KIF19: variants seen among roughly 807,000 people sequenced by gnomAD.
The protein encoded by KIF19 is kinesin family member 19, also known as kinesin-like protein KIF19.
KIF19 carries 98 observed loss-of-function variants against 106.6 expected under a neutral mutation model. The ratio of observed to expected loss-of-function variants is 0.92; its 90% CI spans 0.78 to 1.09. The LOEUF (loss-of-function observed/expected upper bound fraction) is 1.09. Ranked by LOEUF, KIF19 falls within the 50% of genes least tolerant of loss-of-function variation. The pLI, the probability that KIF19 is intolerant of heterozygous loss-of-function variation, is 0.00. For missense variants in KIF19, 1,373 were observed against 1,414.3 expected (o/e 0.97, Z 0.47); for synonymous variants, 516 against 584.2 (o/e 0.88, Z 1.68).
chr17:74,353,173 T>G, intron 15 of KIF19, 23 bp from the exon 16 acceptor site: 1 of 1,555,870 alleles, frequency 6.4e-7, no homozygotes, highest in African/African-American at 1.4e-5. Context: ...CTACAGCCAC[T>G]CATCTTCCTC....
chr17:74,331,371 G>A lies in KIF19; in HGVS notation c.120+2866G>A, dbSNP rs1037871911. 8.1e-6 allele frequency among the ~76,000 whole-genome samples: 1 copy of A among 123,132 alleles called. No homozygotes were observed. The highest frequency in any genetic ancestry group is 2.8e-5 in the African/African-American group (1 of 35,448). The allele number at this position is 123,132 out of a possible 152,430, so 80.8% of individuals were successfully genotyped here. A position where few individuals can be genotyped will look rare whatever the true frequency, so the allele number is the denominator to read the frequency against. On this transcript the variant is annotated intron_variant, in intron 2 of 19. Transcript: ENST00000389916. This position sits in a 1 kb window ranked among gnomAD's most constrained non-coding sequence, Gnocchi z 4.1. ...TCCTGAGTGGGGAGAGGTGGACCGG[G>A]GACACAGTAACCCGCTGGGCTGGGC...
chr17:74,335,192 G>T (rs1567900318), intron 2 of KIF19, among the ~76,000 whole-genome samples: 1 of 152,156 alleles, frequency 6.6e-6, no homozygotes, highest in Admixed American at 6.5e-5. Flanking sequence ...GGAAGGGTGC[G>T]ACTGGCATCT....
At chr17:74,332,340 G>A (rs1023570085) in intron 2 of KIF19, among the ~76,000 whole-genome samples, 1 of 151,834 alleles carries the variant, frequency 6.6e-6, no homozygotes, top group African/African-American at 2.4e-5. Context: ...AGTACCAGGT[G>A]GGCCTGGTTT....
intron 2 of KIF19, among the ~76,000 whole-genome samples, chr17:74,340,248 C>G (rs1359639213): frequency 2.0e-5 from 3 of 152,194 alleles, no homozygotes; most frequent in African/African-American, 4.8e-5. Context: ...CCTCCAAACT[C>G]AAGCCCTCCC....
At chr17:74,329,155 C>G (rs1040499340) in intron 2 of KIF19, 1 of 152,138 alleles carries the variant, frequency 6.6e-6, no homozygotes. Context: ...GGGATAAGAC[C>G]TAAACCTGGA....
At chr17:74,344,441 C>T (rs1177864426) in intron 6 of KIF19, 93 bp downstream of exon 6, 12 of 1,525,826 alleles carry the variant, frequency 7.9e-6, no homozygotes, top group Non-Finnish European at 1.1e-5. Flanking sequence ...GAGCTGCTCC[C>T]CACTCGGCTG....
chr17:74,352,152 C>T lies in KIF19; in HGVS notation c.1858+15C>T. ...GATCATCGACGGTAGGGCCCACGCC[C>T]CCGCGCATCTGAGCCACCCGCGGGG... On this transcript the variant is annotated intron_variant, in intron 13 of 19. Coordinates refer to ENST00000389916, the MANE Select transcript of KIF19 (RefSeq NM_153209.4). 3.2e-6 allele frequency: 5 copies of T among 1,584,510 alleles called. No homozygotes were observed. Among genetic ancestry groups the T allele is most frequent in the Non-Finnish European group, 4.3e-6 (5 of 1,162,784 alleles).
chr17:74,326,344 G>T lies in KIF19; in HGVS notation c.-6G>T. On this transcript the variant is annotated 5_prime_UTR_variant, in exon 1 of 20. Transcript: ENST00000389916. ...CGCGGCCTGAGCCCCTCCACCTGCT[G>T]CAATCATGAAGGACAGCGGGGACTC... 1 of 1,611,262 alleles carries T rather than the reference G, an allele frequency of 6.2e-7. No individual in the cohort carries two copies. The highest frequency in any genetic ancestry group is 8.5e-7 in the Non-Finnish European group (1 of 1,179,062).
At chr17:74,344,676 C>G (rs992834947) in intron 6 of KIF19, 85 bp from the exon 7 acceptor site, 1 of 1,399,666 alleles carries the variant, frequency 7.1e-7, no homozygotes, top group African/African-American at 1.4e-5. Context: ...ACATAGGACC[C>G]TCCCTGCTAG....
At chr17:74,342,408 C>T (rs1003714624) in intron 3 of KIF19, among the ~76,000 whole-genome samples, 24 of 152,156 alleles carry the variant, frequency 1.6e-4, no homozygotes, top group African/African-American at 4.8e-4. Flanking sequence ...GAGCCAGCTG[C>T]GCAGGAAGGC....
rs1298502255 is a variant in KIF19 at position 74,351,968 on chromosome 17, C to A, written c.1689C>A (p.Leu563=). The change falls in exon 13 of 20, where the codon CTC becomes CTA. Residue 563 remains leucine, a synonymous_variant. Coordinates refer to ENST00000389916, the MANE Select transcript of KIF19 (RefSeq NM_153209.4). Reference sequence around the variant, plus strand: ...GCTCCGAGGAGCAGCGCGAGGTGCTCAGCCTGCTGTGCCGCGTGCACGAGC... The same window carrying A: ...GCTCCGAGGAGCAGCGCGAGGTGCTAAGCCTGCTGTGCCGCGTGCACGAGC... The part of the protein sequence containing the change: ...RIGSEEQREV[L]SLLCRVHELE... 5.2e-6 allele frequency: 8 copies of A among 1,524,038 alleles called. No individual in the cohort carries two copies. The highest frequency in any genetic ancestry group is 7.0e-6 in the Non-Finnish European group (8 of 1,143,488). 94.4% of individuals were successfully genotyped at this position (1,524,038 alleles called of 1,614,324 possible).
intron 14 of KIF19, 81 bp downstream of exon 14, chr17:74,352,421 GCTGGAGGGGA>G (rs1030286639): frequency 1.1e-4 from 165 of 1,492,018 alleles, no homozygotes; most frequent in Non-Finnish European, 1.4e-4. Context: ...CCTTCAGGCA[GCTGGAGGGGA>G]CAGGACCAGG....
Position 74,352,103 on chromosome 17 carries a change from C to G in KIF19, c.1824C>G (p.Asp608Glu). Residue 608 changes from aspartate (D) to glutamate (E), a missense_variant, in exon 13 of 20, where the codon GAC (aspartate) becomes GAG (glutamate). By Grantham distance (45) the Asp-to-Glu change is conservative. Around this residue, in one of 3 missense-constraint regions of KIF19, gnomAD observed 1,020 missense variants for 1,008.2 expected, o/e 1.01. Transcript: ENST00000389916. ...RRLEQHRSLC[D>E]EIIQGQRQII... ...TGGAGCAGCACCGCAGTCTCTGCGA[C>G]GAGATTATCCAGGGCCAGCGGCAGA... The G allele has an allele frequency of 1.3e-6, 2 of 1,586,280 alleles. No individual in the cohort carries two copies. Among genetic ancestry groups the G allele is most frequent in the Non-Finnish European group, 1.7e-6 (2 of 1,164,216 alleles).
rs754123097 is a variant in KIF19 at position 74,331,663 on chromosome 17, G to A, written c.120+3158G>A. On this transcript the variant is annotated intron_variant, in intron 2 of 19. Transcript: ENST00000389916. The surrounding 1 kb of genome is among the most constrained non-coding windows in gnomAD (Gnocchi z 4.1). ...GCAATCTTGGCTCACTGCAACCTCC[G>A]CCTCCTGGATTCAAGCGATTCTCCT... Among the ~76,000 whole-genome samples the A allele has an allele frequency of 5.3e-5, 8 of 151,404 alleles. No homozygotes were observed. The highest frequency in any genetic ancestry group is 1.0e-4 in the Non-Finnish European group (7 of 67,930).
In KIF19 at chr17:74,354,431, C is replaced by T. The variant is rs1567925762; in HGVS notation, c.2578C>T (p.His860Tyr). 1 of 1,611,288 alleles carries T rather than the reference C, an allele frequency of 6.2e-7. No homozygotes were observed. The highest frequency in any genetic ancestry group is 8.5e-7 in the Non-Finnish European group (1 of 1,179,298). The change falls in exon 18 of 20, where the codon CAT becomes TAT. Residue 860 changes from histidine to tyrosine, a missense_variant. Coordinates refer to ENST00000389916, the MANE Select transcript of KIF19 (RefSeq NM_153209.4). ...TGEAPSRAVGHHGDGPRPWLR... is the reference protein window; with the variant it reads ...TGEAPSRAVGYHGDGPRPWLR... ...CGAGGCCCCGTCCCGGGCAGTCGGA[C>T]ATCATGGGGACGGCCCCAGGCCCTG...
rs1000177975 is a variant in KIF19 at position 74,331,445 on chromosome 17, C to T, written c.120+2940C>T. On this transcript the variant is annotated intron_variant, in intron 2 of 19. Coordinates refer to ENST00000389916, the MANE Select transcript of KIF19 (RefSeq NM_153209.4). This position sits in a 1 kb window ranked among gnomAD's most constrained non-coding sequence, Gnocchi z 4.1. The stretch of plus-strand genomic sequence containing the variant: ...CTTTCTTTAGTCTAGGCATTGTTCT[C>T]CTGGGGACACTTCAAATGAAGGAGA... 2.6e-5 allele frequency among the ~76,000 whole-genome samples: 4 copies of T among 152,098 alleles called. No homozygotes were observed. Among genetic ancestry groups the T allele is most frequent in the Non-Finnish European group, 5.9e-5 (4 of 68,026 alleles).
chr17:74,328,136 G>T (rs1317914130), intron 1 of KIF19, among the ~76,000 whole-genome samples: 1 of 152,198 alleles, frequency 6.6e-6, no homozygotes, highest in Non-Finnish European at 1.5e-5. Flanking sequence ...AAGCCCAGGG[G>T]AGCTGCGAGT....
chr17:74,355,212 C>T lies in KIF19; in HGVS notation c.2897C>T (p.Pro966Leu), dbSNP rs751441843. The T allele has an allele frequency of 6.8e-6, 11 of 1,611,118 alleles. No individual in the cohort carries two copies. Among genetic ancestry groups the T allele is most frequent in the South Asian group, 4.4e-5 (4 of 90,820 alleles). The change falls in exon 20 of 20, where the codon CCC becomes CTC. Residue 966 changes from proline to leucine, a missense_variant. Physicochemically the swap from Pro to Leu is moderately conservative, Grantham distance 98 (BLOSUM62 -3). Around this residue, in one of 3 missense-constraint regions of KIF19, gnomAD observed 1,020 missense variants for 1,008.2 expected, o/e 1.01. Coordinates refer to ENST00000389916, the MANE Select transcript of KIF19 (RefSeq NM_153209.4). Reference protein sequence around the residue: ...GPGDSSPLAVPPNPGGGSRRA... With the variant: ...GPGDSSPLAVLPNPGGGSRRA... ...GGGGACTCCTCACCCCTGGCTGTTC[C>T]CCCCAACCCAGGTGGTGGTTCTCGA...
chr17:74,337,474 C>T (rs574489368), intron 2 of KIF19, among the ~76,000 whole-genome samples: 1 of 152,288 alleles, frequency 6.6e-6, no homozygotes, highest in African/African-American at 2.4e-5. Context: ...CTCTTCCCGA[C>T]CCAGTGTTTC....
Sources: gnomAD v4.1 joint callset for allele counts (sites outside exome capture counted in the v4.1 genomes callset) on GRCh38, gnomAD v4.1.1 for gene constraint, gnomAD v4.1.1 regional missense constraint, Gnocchi (gnomAD v3.1) non-coding constraint, MANE v1.5 for transcripts, NCBI Gene and HGNC (gene_info 2026-07-23, HGNC 2026-07-21) for gene names.